The following DLGAP2 variants were observed in gnomAD, a reference collection of about 807,000 sequenced individuals.
DLGAP2 encodes disks large-associated protein 2.
In DLGAP2, 26 loss-of-function variants were observed where a neutral mutation model predicts 100.3. The observed-to-expected ratio is 0.26, with a 90% CI of 0.19 to 0.36. The LOEUF (loss-of-function observed/expected upper bound fraction) is 0.36, where lower values mean the gene tolerates loss of function less well. DLGAP2 is among the 10% of genes least tolerant of loss of function. The pLI is 1.00. For synonymous variants in DLGAP2, 886 were observed against 630.1 expected (o/e 1.41, Z -6.08); for missense variants, 1,858 against 1,453.2 (o/e 1.28, Z -4.53).
At chr8:1,179,379 G>A (rs1797331819) in intron 2 of DLGAP2, among the ~76,000 whole-genome samples, 1 of 152,226 alleles carries the variant, frequency 6.6e-6, no homozygotes, top group African/African-American at 2.4e-5. Flanking sequence ...TTCGCTGGGG[G>A]ACTCTGACTG....
intron 3 of DLGAP2, among the ~76,000 whole-genome samples, chr8:1,359,802 C>T (rs973632796): frequency 1.3e-5 from 2 of 152,246 alleles, no homozygotes; most frequent in African/African-American, 4.8e-5. Flanking sequence ...ACTAAATGGG[C>T]TTCATGGACT....
At chr8:1,452,123 G>C (rs1428261941) in intron 3 of DLGAP2, among the ~76,000 whole-genome samples, 1 of 152,260 alleles carries the variant, frequency 6.6e-6, no homozygotes, top group East Asian at 1.9e-4. Context: ...CCAGGGCCGT[G>C]TCTTCCAGCT....
chr8:988,136 T>C (rs1378442680), intron 2 of DLGAP2, among the ~76,000 whole-genome samples: 1 of 152,188 alleles, frequency 6.6e-6, no homozygotes, highest in Non-Finnish European at 1.5e-5. Context: ...CACGTTCTTA[T>C]AGGTTGGTAG....
intron 2 of DLGAP2, among the ~76,000 whole-genome samples, chr8:972,608 A>ATTTTTTTCTT (rs71528628): frequency 4.0e-5 from 6 of 149,212 alleles, no homozygotes; most frequent in African/African-American, 1.5e-4. Context: ...TTTTTTTTGT[A>ATTTTTTTCTT]TTTTTTTCTT....
chr8:1,279,791 C>G (rs2116946268), intron 3 of DLGAP2, among the ~76,000 whole-genome samples: 1 of 152,310 alleles, frequency 6.6e-6, no homozygotes, highest in Admixed American at 6.5e-5. Context: ...AAGTGGCAGG[C>G]AGGTTGGAGT....
intron 2 of DLGAP2, among the ~76,000 whole-genome samples, chr8:970,643 T>G (rs904327933): frequency 6.6e-6 from 1 of 152,262 alleles, no homozygotes; most frequent in Non-Finnish European, 1.5e-5. Context: ...TCTTCTAAAC[T>G]GTCTGAGAAA....
At chr8:830,856 T>C (rs1796768280) in intron 1 of DLGAP2, among the ~76,000 whole-genome samples, 1 of 152,080 alleles carries the variant, frequency 6.6e-6, no homozygotes, top group Non-Finnish European at 1.5e-5. Context: ...TAAAAGCCTT[T>C]CTTTGCCAAC....
chr8:816,137 CTTGG>C (rs1414367758), intron 1 of DLGAP2, among the ~76,000 whole-genome samples: 3 of 152,136 alleles, frequency 2.0e-5, no homozygotes, highest in African/African-American at 7.2e-5. Context: ...ACAGCAGAAA[CTTGG>C]TTGGTGAATT....
At chr8:1,410,486 T>C (rs1466731851) in intron 3 of DLGAP2, among the ~76,000 whole-genome samples, 2 of 152,198 alleles carry the variant, frequency 1.3e-5, no homozygotes, top group Non-Finnish European at 2.9e-5. Flanking sequence ...CACAGTTTCA[T>C]GGGGTCACTA....
intron 3 of DLGAP2, among the ~76,000 whole-genome samples, chr8:1,337,528 GTGATGA>G (rs35353661): frequency 6.7e-6 from 1 of 148,348 alleles, no homozygotes; most frequent in Non-Finnish European, 1.5e-5. Flanking sequence ...GCTGATGATA[GTGATGA>G]TGATGATGAT....
At chr8:1,469,209 G>A (rs12678086) in intron 3 of DLGAP2, among the ~76,000 whole-genome samples, 24,958 of 152,224 alleles carry the variant, frequency 0.16, 2,450 homozygotes, top group Middle Eastern at 0.26. Context: ...TCCTCCCCTC[G>A]CCCAGCTCCT....
At chr8:1,119,001 C>T (rs1795968882) in intron 2 of DLGAP2, among the ~76,000 whole-genome samples, 2 of 151,804 alleles carry the variant, frequency 1.3e-5, no homozygotes, top group African/African-American at 2.4e-5. Context: ...TGTGGAGAAC[C>T]ATTCAAGTGA....
At chr8:1,322,912 C>T (rs1800939086) in intron 3 of DLGAP2, among the ~76,000 whole-genome samples, 1 of 152,152 alleles carries the variant, frequency 6.6e-6, no homozygotes, top group Non-Finnish European at 1.5e-5. Context: ...ATCGGAGTGT[C>T]TGCCTCACTT....
chr8:1,121,771 C>G (rs940744460), intron 2 of DLGAP2, among the ~76,000 whole-genome samples: 1 of 151,996 alleles, frequency 6.6e-6, no homozygotes. Flanking sequence ...CCCATGACCA[C>G]CCATCCTTGT....
intron 1 of DLGAP2, among the ~76,000 whole-genome samples, chr8:833,012 G>C (rs913256282): frequency 1.6e-4 from 25 of 152,202 alleles, no homozygotes; most frequent in Non-Finnish European, 2.6e-4. Flanking sequence ...TCATGTAGAT[G>C]AAGGTGCAAA....
intron 3 of DLGAP2, among the ~76,000 whole-genome samples, chr8:1,280,017 T>C (rs555395483): frequency 6.6e-6 from 1 of 152,218 alleles, no homozygotes; most frequent in African/African-American, 2.4e-5. Context: ...TTCTGGACTT[T>C]GAGGAGCTTA....
chr8:1,365,618 A>G (rs866524675), intron 3 of DLGAP2, among the ~76,000 whole-genome samples: 2 of 152,222 alleles, frequency 1.3e-5, no homozygotes, highest in Non-Finnish European at 2.9e-5. Context: ...TCCTCTAGCT[A>G]TTAATGGCAT....
chr8:1,161,989 G>A (rs894697497), intron 2 of DLGAP2, among the ~76,000 whole-genome samples: 23 of 152,376 alleles, frequency 1.5e-4, no homozygotes, highest in African/African-American at 5.5e-4. Context: ...CTGCTAGAAT[G>A]CAGGTGCCTG....
intron 3 of DLGAP2, among the ~76,000 whole-genome samples, chr8:1,361,461 CCTTAT>C (rs952871472): frequency 3.6e-4 from 55 of 152,246 alleles, no homozygotes; most frequent in African/African-American, 1.3e-3. Context: ...TAGTTTTTCC[CCTTAT>C]CTTCAGAACT....
Sources: gnomAD v4.1 joint callset for allele counts (sites outside exome capture counted in the v4.1 genomes callset) on GRCh38, gnomAD v4.1.1 for gene constraint, MANE v1.5 for transcripts, NCBI Gene and HGNC (gene_info 2026-07-23, HGNC 2026-07-21) for gene names.